Variants in PTPRD observed in about 807,000 individuals in gnomAD.
PTPRD encodes the protein receptor-type tyrosine-protein phosphatase delta.
Under a neutral mutation model 214.5 loss-of-function variants are expected in PTPRD, and 34 were observed. The ratio of observed to expected loss-of-function variants is 0.16; its 90% CI spans 0.12 to 0.21. The LOEUF (loss-of-function observed/expected upper bound fraction) is 0.21. PTPRD is among the 10% of genes least tolerant of loss of function. The probability of loss-of-function intolerance (pLI) is 1.00; values close to 1 mark genes in which losing one functional copy is unlikely to be tolerated. For missense variants in PTPRD, 2,545 were observed against 2,398.7 expected, an observed-to-expected ratio of 1.06 and a Z score of -1.27; for synonymous variants, 1,128 against 845.7, an observed-to-expected ratio of 1.33 and a Z score of -5.79.
intron 5 of PTPRD, among the ~76,000 whole-genome samples, chr9:9,919,410 C>A (rs936203148): frequency 6.6e-6 from 1 of 152,084 alleles, no homozygotes; most frequent in African/African-American, 2.4e-5. Flanking sequence ...AACTCATGTG[C>A]CATTTTTGCA....
intron 11 of PTPRD, chr9:8,958,998 C>T (rs1045325126): frequency 2.6e-5 from 4 of 152,004 alleles, no homozygotes; most frequent in African/African-American, 4.8e-5. Flanking sequence ...CTTATATGAT[C>T]ATGGCAACTG....
chr9:10,538,147 C>T (rs887594957), intron 2 of PTPRD, among the ~76,000 whole-genome samples: 1 of 151,868 alleles, frequency 6.6e-6, no homozygotes, highest in Non-Finnish European at 1.5e-5. Flanking sequence ...TATCCAATCA[C>T]TGTGTTCAAA....
At chr9:8,394,137 T>G (rs1564508650) in intron 36 of PTPRD, among the ~76,000 whole-genome samples, 1 of 151,864 alleles carries the variant, frequency 6.6e-6, no homozygotes, top group East Asian at 1.9e-4. Flanking sequence ...GGATACAGAC[T>G]TTGAATAATG....
At chr9:9,753,891 C>G (rs944404596) in intron 6 of PTPRD, among the ~76,000 whole-genome samples, 1 of 151,932 alleles carries the variant, frequency 6.6e-6, no homozygotes. Context: ...CCCTTAAGAA[C>G]CTAGCTCAAA....
chr9:10,537,867 C>A (rs952038676), intron 2 of PTPRD, among the ~76,000 whole-genome samples: 1 of 152,100 alleles, frequency 6.6e-6, no homozygotes, highest in Non-Finnish European at 1.5e-5. Context: ...CAGATCAGCA[C>A]CCTTATAGTG....
At chr9:8,830,042 G>C (rs2097257096) in intron 11 of PTPRD, among the ~76,000 whole-genome samples, 1 of 152,114 alleles carries the variant, frequency 6.6e-6, no homozygotes, top group Non-Finnish European at 1.5e-5. Flanking sequence ...GTTTGAATCT[G>C]AGTCTTTACT....
chr9:9,668,668 C>G (rs150793867), intron 7 of PTPRD, among the ~76,000 whole-genome samples: 18 of 152,262 alleles, frequency 1.2e-4, no homozygotes, highest in African/African-American at 4.3e-4. Context: ...CATTTGTTAA[C>G]ATTCTAAAGC....
chr9:9,040,072 T>C (rs2099634692), intron 10 of PTPRD, among the ~76,000 whole-genome samples: 1 of 152,158 alleles, frequency 6.6e-6, no homozygotes, highest in South Asian at 2.1e-4. Flanking sequence ...CTAATATTTA[T>C]TGAGGATCTA....
chr9:8,644,235 C>T (rs2154337948), intron 12 of PTPRD, among the ~76,000 whole-genome samples: 1 of 151,862 alleles, frequency 6.6e-6, no homozygotes, highest in South Asian at 2.1e-4. Flanking sequence ...GGGAGGTGAA[C>T]ACTCCGGACG....
At chr9:9,423,977 C>T (rs1265982319) in intron 8 of PTPRD, among the ~76,000 whole-genome samples, 1 of 152,154 alleles carries the variant, frequency 6.6e-6, no homozygotes, top group Non-Finnish European at 1.5e-5. Context: ...AGTCATTCTC[C>T]CAAGTGCTGG....
At chr9:9,250,493 T>G (rs1304012312) in intron 9 of PTPRD, among the ~76,000 whole-genome samples, 1 of 152,106 alleles carries the variant, frequency 6.6e-6, no homozygotes, top group African/African-American at 2.4e-5. Context: ...TTCTTAGCTC[T>G]TTAGATTTTA....
At chr9:9,702,179 G>A (rs548766059) in intron 7 of PTPRD, among the ~76,000 whole-genome samples, 1 of 152,232 alleles carries the variant, frequency 6.6e-6, no homozygotes, top group East Asian at 1.9e-4. Context: ...ATGATGACGA[G>A]AAAGAAAAGG....
intron 4 of PTPRD, among the ~76,000 whole-genome samples, chr9:10,017,494 C>G (rs1179593926): frequency 6.6e-6 from 1 of 152,034 alleles, no homozygotes; most frequent in Non-Finnish European, 1.5e-5. Flanking sequence ...CAAAGCTTGT[C>G]TTAGAATCCT....
At chr9:8,983,753 A>C (rs1031552054) in intron 11 of PTPRD, among the ~76,000 whole-genome samples, 2 of 151,828 alleles carry the variant, frequency 1.3e-5, no homozygotes, top group African/African-American at 4.8e-5. Flanking sequence ...CCTGGCCTTA[A>C]AGATCCTCCC....
chr9:9,603,808 G>C (rs1045974686), intron 7 of PTPRD, among the ~76,000 whole-genome samples: 5 of 151,716 alleles, frequency 3.3e-5, no homozygotes, highest in African/African-American at 1.2e-4. Flanking sequence ...AGAAATCCTA[G>C]AACTTTTAGT....
chr9:9,999,114 C>T (rs1253145209), intron 4 of PTPRD, among the ~76,000 whole-genome samples: 4 of 152,128 alleles, frequency 2.6e-5, no homozygotes, highest in Non-Finnish European at 4.4e-5. Flanking sequence ...AATGAAACCA[C>T]GTTTATTTAA....
intron 7 of PTPRD, among the ~76,000 whole-genome samples, chr9:9,575,786 A>G (rs201153786): frequency 1.7e-5 from 1 of 59,868 alleles, no homozygotes; most frequent in Admixed American, 1.6e-4. Context: ...AAAGAAAAAG[A>G]AAAAAAAAAA....
At chr9:10,500,708 C>G (rs1040402109) in intron 2 of PTPRD, among the ~76,000 whole-genome samples, 1 of 151,798 alleles carries the variant, frequency 6.6e-6, no homozygotes, top group Non-Finnish European at 1.5e-5. Flanking sequence ...CCCAACTACC[C>G]TTCCCAGACT....
chr9:8,823,046 G>C (rs952527802), intron 11 of PTPRD, among the ~76,000 whole-genome samples: 1 of 152,070 alleles, frequency 6.6e-6, no homozygotes, highest in Admixed American at 6.6e-5. Context: ...GATCTAGTAA[G>C]ACATTTAATA....
Sources: allele counts gnomAD v4.1 joint callset (sites outside exome capture counted in the v4.1 genomes callset), GRCh38; gene constraint gnomAD v4.1.1; transcripts MANE v1.5; gene names NCBI Gene and HGNC (gene_info 2026-07-23, HGNC 2026-07-21).